NLK: variants seen among roughly 807,000 people sequenced by gnomAD.
NLK encodes the protein serine/threonine-protein kinase NLK.
NLK carries 11 observed loss-of-function variants against 59.0 expected under a neutral mutation model. That is an observed-to-expected ratio of 0.19 (90% CI 0.12 to 0.31). The LOEUF is 0.31. NLK is among the 10% of genes least tolerant of loss of function. NLK has a pLI of 1.00. For synonymous variants in NLK, 235 were observed against 235.9 expected (o/e 1.00, Z 0.03); for missense variants, 410 against 661.1 (o/e 0.62, Z 4.16).
At chr17:28,048,377 T>A (rs564848014) in intron 1 of NLK, 1 of 158,332 alleles carries the variant, frequency 6.3e-6, no homozygotes, top group Admixed American at 6.5e-5. Context: ...CAATATTAAT[T>A]TAGAAAAAAA....
downstream of NLK, among the ~76,000 whole-genome samples, chr17:28,196,875 CT>C (rs1266808227): frequency 2.0e-5 from 3 of 152,192 alleles, no homozygotes; most frequent in African/African-American, 7.2e-5. Context: ...CTTCAAAATA[CT>C]TTCCCTGAGG....
chr17:28,122,676 T>G lies in NLK; in HGVS notation c.532T>G (p.Ser178Ala). The G allele has an allele frequency of 1.2e-6, 2 of 1,613,892 alleles. No individual in the cohort carries two copies. Among genetic ancestry groups the G allele is most frequent in the Non-Finnish European group, 1.7e-6 (2 of 1,179,808 alleles). Residue 178 changes from serine (S) to alanine (A), a missense_variant, in exon 2 of 11, where the codon TCT becomes GCT. Coordinates refer to ENST00000407008, the MANE Select transcript of NLK (RefSeq NM_016231.5). ...GCCCAACGTCTTCCAGAATCTGGTC[T>G]CTTGCAAAAGGGTCTTCCGGGAATT... Reference protein sequence around the residue: ...KMPNVFQNLVSCKRVFRELKM... With the variant: ...KMPNVFQNLVACKRVFRELKM...
chr17:28,155,308 A>G (rs932605575), intron 3 of NLK, among the ~76,000 whole-genome samples: 2 of 152,212 alleles, frequency 1.3e-5, no homozygotes, highest in Non-Finnish European at 2.9e-5. Context: ...GTGGAGAAAT[A>G]GGAACGCTTT....
At position 28,093,536 on chromosome 17, in the gene NLK, G is replaced by A. The variant is rs187820029; in HGVS notation, c.459-29067G>A. ...GTTCCTTGGAAGGTATGGTGGGAAA[G>A]CTTTGTAATTGCTGCTTCACAGAAC... On this transcript the variant is annotated intron_variant, in intron 1 of 10. Transcript: ENST00000407008. Among the ~76,000 whole-genome samples the A allele has an allele frequency of 2.0e-5, 3 of 152,280 alleles. No homozygotes were observed. In the East Asian group the frequency reaches 5.8e-4, roughly 29 times the overall value.
Position 28,172,627 on chromosome 17 carries a change from A to G in NLK, c.1149+9A>G, listed in dbSNP as rs774477849. On this transcript the variant is annotated intron_variant, in intron 7 of 10. Transcript: ENST00000407008. Reference sequence around the variant, plus strand: ...GGGGTCCTCATAAACAGGTGAGAGGAGGGGGGAATCTTTTTCTGGTAACCA... The same window carrying G: ...GGGGTCCTCATAAACAGGTGAGAGGGGGGGGGAATCTTTTTCTGGTAACCA... 1 of 1,481,564 alleles carries G rather than the reference A, an allele frequency of 6.7e-7. No individual in the cohort carries two copies. The allele number at this position is 1,481,564 out of a possible 1,614,324, so 91.8% of individuals were successfully genotyped here. A position where few individuals can be genotyped will look rare whatever the true frequency, so the allele number is the denominator to read the frequency against.
chr17:28,119,467 A>G (rs575745113), intron 1 of NLK, among the ~76,000 whole-genome samples: 9 of 152,354 alleles, frequency 5.9e-5, no homozygotes, highest in South Asian at 2.1e-4. Context: ...TTTTCTCACC[A>G]TAATAGGGTA....
intron 10 of NLK, among the ~76,000 whole-genome samples, chr17:28,193,040 T>C (rs572278448): frequency 6.4e-4 from 97 of 152,338 alleles, no homozygotes; most frequent in African/African-American, 2.2e-3. Flanking sequence ...GATTTCTTTT[T>C]CCTTAACTCC....
intron 1 of NLK, among the ~76,000 whole-genome samples, chr17:28,071,823 G>A (rs555836765): frequency 5.8e-4 from 88 of 152,350 alleles, no homozygotes; most frequent in Admixed American, 2.4e-3. Context: ...GCCAATGAAA[G>A]GTTGCTAAAA....
intron 1 of NLK, among the ~76,000 whole-genome samples, chr17:28,095,446 C>T (rs1449135194): frequency 6.6e-6 from 1 of 152,178 alleles, no homozygotes; most frequent in Non-Finnish European, 1.5e-5. Context: ...CAGACTGTAA[C>T]TCAACATAGT....
chr17:28,148,239 C>T (rs558246464), intron 3 of NLK, among the ~76,000 whole-genome samples: 1 of 150,826 alleles, frequency 6.6e-6, no homozygotes, highest in Admixed American at 6.6e-5. Flanking sequence ...CTGTACCCTG[C>T]CCCCACCCCC....
chr17:28,077,442 C>T (rs1800812801), intron 1 of NLK, among the ~76,000 whole-genome samples: 1 of 151,992 alleles, frequency 6.6e-6, no homozygotes. Flanking sequence ...AAATTACCTC[C>T]CACCGGGTCC....
intron 6 of NLK, chr17:28,171,160 C>G (rs1450360986): frequency 1.3e-5 from 2 of 152,264 alleles, no homozygotes; most frequent in East Asian, 3.9e-4. Context: ...AAAGTATCAC[C>G]TACACACTTT....
chr17:28,093,497 A>G (rs1384649176), intron 1 of NLK, among the ~76,000 whole-genome samples: 1 of 152,184 alleles, frequency 6.6e-6, no homozygotes, highest in Admixed American at 6.5e-5. Context: ...GTGAAATGTG[A>G]TGGTCATCAA....
chr17:28,094,110 A>C (rs1435224704), intron 1 of NLK, among the ~76,000 whole-genome samples: 1 of 152,212 alleles, frequency 6.6e-6, no homozygotes, highest in East Asian at 1.9e-4. Context: ...ATGATACTTA[A>C]TAACTTGTGG....
chr17:28,101,117 T>C (rs1055481580), intron 1 of NLK, among the ~76,000 whole-genome samples: 1 of 152,214 alleles, frequency 6.6e-6, no homozygotes, highest in Non-Finnish European at 1.5e-5. Context: ...TTTTGGACTT[T>C]GTGTTCTGTT....
the NLK span, among the ~76,000 whole-genome samples, chr17:28,202,082 A>C: frequency 6.6e-6 from 1 of 152,156 alleles, no homozygotes; most frequent in South Asian, 2.1e-4. Context: ...AAAATTCAAA[A>C]TTCACTTACA....
At chr17:28,104,678 T>C (rs1905017595) in intron 1 of NLK, among the ~76,000 whole-genome samples, 1 of 152,060 alleles carries the variant, frequency 6.6e-6, no homozygotes, top group Non-Finnish European at 1.5e-5. Context: ...CTGGGTGAGA[T>C]GGACAAGCAG....
chr17:28,085,611 G>A lies in NLK; in HGVS notation c.459-36992G>A, dbSNP rs143244006. On this transcript the variant is annotated intron_variant, in intron 1 of 10. Transcript: ENST00000407008. ...AAAAAGTAGCCAGGCGTAGTGGTGC[G>A]CAGCTGTAATCCCAGCTACTCGGAA... 3.2e-3 allele frequency among the ~76,000 whole-genome samples: 493 copies of A among 152,144 alleles called. 3 individuals carry two copies. The highest frequency in any genetic ancestry group is 0.011 in the African/African-American group (459 of 41,500).
intron 6 of NLK, among the ~76,000 whole-genome samples, chr17:28,169,177 C>A (rs887834523): frequency 6.6e-5 from 10 of 152,208 alleles, no homozygotes; most frequent in African/African-American, 2.4e-4. Flanking sequence ...TGAGCCACTG[C>A]ACCCGGCCAG....
Sources: gnomAD v4.1 joint callset for allele counts (sites outside exome capture counted in the v4.1 genomes callset) on GRCh38, gnomAD v4.1.1 for gene constraint, MANE v1.5 for transcripts, NCBI Gene and HGNC (gene_info 2026-07-23, HGNC 2026-07-21) for gene names.